The following CSF2RB variants were observed in gnomAD, a reference collection of about 807,000 sequenced individuals.
CSF2RB encodes the protein cytokine receptor common subunit beta.
In CSF2RB, 22 loss-of-function variants were observed where a neutral mutation model predicts 67.2. The ratio of observed to expected loss-of-function variants is 0.33; its 90% CI spans 0.23 to 0.47. The LOEUF (loss-of-function observed/expected upper bound fraction) is 0.47. Among genes scored for constraint, CSF2RB ranks in the 20% least tolerant of loss-of-function variants. CSF2RB has a pLI of 1.00. For missense variants in CSF2RB, 1,113 were observed against 1,174.5 expected (o/e 0.95, Z 0.76); for synonymous variants, 507 against 482.9 (o/e 1.05, Z -0.65).
intron 4 of CSF2RB, among the ~76,000 whole-genome samples, chr22:36,927,602 G>A (rs1941047753): frequency 6.6e-6 from 1 of 152,172 alleles, no homozygotes. Flanking sequence ...ACAGCGGTGG[G>A]AAGAAGCAGG....
At chr22:36,924,700 GT>G (rs1940968349) in intron 3 of CSF2RB, among the ~76,000 whole-genome samples, 1 of 152,166 alleles carries the variant, frequency 6.6e-6, no homozygotes, top group Admixed American at 6.5e-5. Flanking sequence ...GGATCTCATG[GT>G]TGGGCCTCCG....
At chr22:36,920,448 C>G (rs1389487679) in intron 1 of CSF2RB, among the ~76,000 whole-genome samples, 1 of 152,240 alleles carries the variant, frequency 6.6e-6, no homozygotes, top group Non-Finnish European at 1.5e-5. Context: ...GAGAAGACTG[C>G]AAGGAACAGG....
Position 36,936,578 on chromosome 22 carries a change from C to A in CSF2RB, c.1494C>A (p.Gly498=). The change falls in exon 13 of 14, where the codon GGC becomes GGA. Residue 498 remains glycine, a synonymous_variant. Coordinates refer to ENST00000403662, the MANE Select transcript of CSF2RB (RefSeq NM_000395.3). ...GGAGCGCAGAGCTTTGGCCCCCAGGCAGCATGTCGGCCTTCACTAGCGGGA... is the reference window on the plus strand; with the variant it reads ...GGAGCGCAGAGCTTTGGCCCCCAGGAAGCATGTCGGCCTTCACTAGCGGGA... The part of the protein sequence containing the change: ...QNGSAELWPP[G]SMSAFTSGSP... 6.2e-7 allele frequency: 1 copy of A among 1,613,310 alleles called. No individual in the cohort carries two copies.
chr22:36,925,537 C>A (rs569343305), intron 3 of CSF2RB, among the ~76,000 whole-genome samples: 3 of 152,198 alleles, frequency 2.0e-5, no homozygotes, highest in Non-Finnish European at 2.9e-5. Flanking sequence ...CTACTCCCTG[C>A]GCACTGGTTT....
Position 36,929,415 on chromosome 22 carries a change from G to T in CSF2RB, c.405G>T (p.Glu135Asp), listed in dbSNP as rs771979424. ...CCTCCCCTCCAGTCCAGCCTCCTGA[G>T]CCCAGGGACCTGCAGATCAGCACCG... ...VTLTQHVQPP[E>D]PRDLQISTDQ... Residue 135 changes from glutamate (E) to aspartate (D), a missense_variant, in exon 5 of 14, where the codon GAG becomes GAT. Physicochemically the swap from Glu to Asp is conservative, Grantham distance 45. Coordinates refer to ENST00000403662, the MANE Select transcript of CSF2RB (RefSeq NM_000395.3). 7 of 1,614,162 alleles carry T rather than the reference G, an allele frequency of 4.3e-6. No individual in the cohort carries two copies. The highest frequency in any genetic ancestry group is 5.9e-6 in the Non-Finnish European group (7 of 1,180,024).
In CSF2RB at chr22:36,930,462, C is replaced by T. The variant is rs1941123881; in HGVS notation, c.806C>T (p.Ala269Val). The T allele has an allele frequency of 6.2e-7, 1 of 1,613,682 alleles. No homozygotes were observed. The highest frequency in any genetic ancestry group is 8.5e-7 in the Non-Finnish European group (1 of 1,180,022). The change falls in exon 7 of 14, where the codon GCC becomes GTC. Residue 269 changes from alanine to valine, a missense_variant. By Grantham distance (64) the Ala-to-Val change is moderately conservative. Coordinates refer to ENST00000403662, the MANE Select transcript of CSF2RB (RefSeq NM_000395.3). ...TCCTGGGAGGTGAGGAAGGAGGTGG[C>T]CAGCTCGGTCTCCTTTGGCCTATTC... Reference protein sequence around the residue: ...SCSWEVRKEVASSVSFGLFYK... With the variant: ...SCSWEVRKEVVSSVSFGLFYK...
In CSF2RB at chr22:36,930,784, T is replaced by C. The variant is rs1569136278; in HGVS notation, c.966T>C (p.Ser322=). ...DPATHGQYIV[S]VQPRRAEKHI... The stretch of plus-strand genomic sequence containing the variant: ...CGACCCACGGCCAATACATCGTCTC[T>C]GTTCAGCCAAGGAGGGCAGAGAAAC... Residue 322 remains serine (S), a synonymous_variant, in exon 8 of 14, where the codon TCT becomes TCC. Coordinates refer to ENST00000403662, the MANE Select transcript of CSF2RB (RefSeq NM_000395.3). 1 of 1,614,136 alleles carries C rather than the reference T, an allele frequency of 6.2e-7. No homozygotes were observed. The highest frequency in any genetic ancestry group is 1.3e-5 in the African/African-American group (1 of 75,030).
chr22:36,923,439 T>C (rs1940930227), intron 3 of CSF2RB, 72 bp downstream of exon 3: 4 of 1,573,064 alleles, frequency 2.5e-6, no homozygotes, highest in Middle Eastern at 3.3e-4. Context: ...GGGGCGACAG[T>C]GTAGAGAGGG....
rs1187950019 is a variant in CSF2RB at position 36,938,734 on chromosome 22, G to A, written c.*232G>A. ...GTACATGCACACATTTTTCCTGTCA[G>A]GTTAACTTATTTGTAGGTTCTGCAT... On this transcript the variant is annotated 3_prime_UTR_variant, in exon 14 of 14. Coordinates refer to ENST00000403662, the MANE Select transcript of CSF2RB (RefSeq NM_000395.3). The A allele has an allele frequency of 1.8e-6, 1 of 563,136 alleles. No individual in the cohort carries two copies. The highest frequency in any genetic ancestry group is 3.1e-6 in the Non-Finnish European group (1 of 319,798). The allele number at this position is 563,136 out of a possible 1,614,324, so 34.9% of individuals were successfully genotyped here.
chr22:36,933,229 G>T (rs1255359263), intron 9 of CSF2RB, among the ~76,000 whole-genome samples: 4 of 152,230 alleles, frequency 2.6e-5, no homozygotes, highest in Non-Finnish European at 5.9e-5. Flanking sequence ...AAAGTTTGGG[G>T]TTATTTCCTC....
rs769457969 is a variant in CSF2RB, at chr22:36,938,454, C to G, written c.2646C>G (p.Tyr882Ter). ...TCAAAGCCCTGAAGCAGCAGGACTACCTGTCTCTGCCCCCTTGGGAGGTCA... is the reference window on the plus strand; with the variant it reads ...TCAAAGCCCTGAAGCAGCAGGACTAGCTGTCTCTGCCCCCTTGGGAGGTCA... The part of the protein sequence containing the change: ...QLFKALKQQD[Y>*]LSLPPWEVNK... Residue 882 changes from tyrosine (Y) to a stop codon, truncating the protein, a stop_gained, in exon 14 of 14, where the codon TAC becomes TAG. Coordinates refer to ENST00000403662, the MANE Select transcript of CSF2RB (RefSeq NM_000395.3). LOFTEE classifies it high-confidence loss of function. 19 of 1,614,166 alleles carry G rather than the reference C, an allele frequency of 1.2e-5. No individual in the cohort carries two copies. Among genetic ancestry groups the G allele is most frequent in the Non-Finnish European group, 1.5e-5 (18 of 1,180,018 alleles).
rs145182883 is a variant in CSF2RB at position 36,935,630 on chromosome 22, G to C, written c.1407G>C (p.Arg469Ser). The C allele has an allele frequency of 3.2e-5, 51 of 1,614,204 alleles. No homozygotes were observed. The highest frequency in any genetic ancestry group is 4.3e-5 in the Non-Finnish European group (51 of 1,180,030). Residue 469 changes from arginine (R) to serine (S), a missense_variant and splice_region_variant, in exon 12 of 14, where the codon AGG (arginine) becomes AGC (serine). This residue lies in a region of CSF2RB where 559 missense variants were observed against 656.5 expected (regional missense o/e 0.85). Transcript: ENST00000403662. ...ALRFCGIYGY[R>S]LRRKWEEKIP... is the part of the protein sequence containing the mutation. ...CTGTCACCTCCGTGGTGTCTTCCAG[G>C]CTGCGCAGAAAGTGGGAGGAGAAGA... is the stretch of plus-strand genomic sequence containing the variant.
chr22:36,917,430 A>G (rs574615579), intron 1 of CSF2RB, among the ~76,000 whole-genome samples: 3 of 152,028 alleles, frequency 2.0e-5, no homozygotes, highest in Admixed American at 6.5e-5. Context: ...CTGCCATTCA[A>G]TTTCTTCATG....
At chr22:36,931,865 G>A (rs554773660) in intron 8 of CSF2RB, among the ~76,000 whole-genome samples, 1 of 152,266 alleles carries the variant, frequency 6.6e-6, no homozygotes, top group Admixed American at 6.5e-5. Flanking sequence ...CCGCTTTATT[G>A]GGGATTTTCT....
At chr22:36,924,031 T>A (rs938123265) in intron 3 of CSF2RB, among the ~76,000 whole-genome samples, 9 of 152,172 alleles carry the variant, frequency 5.9e-5, no homozygotes, top group Middle Eastern at 6.8e-3. Flanking sequence ...AATTAAGTAA[T>A]TAAATAGCTG....
rs376405266 is a variant in CSF2RB, at chr22:36,929,390, C to T, written c.392-12C>T. On this transcript the variant is annotated splice_polypyrimidine_tract_variant and intron_variant, in intron 4 of 13. Coordinates refer to ENST00000403662, the MANE Select transcript of CSF2RB (RefSeq NM_000395.3). Reference sequence around the variant, plus strand: ...TCCAGCCCTTAGGTGCCCTTCACTTCCTCCCCTCCAGTCCAGCCTCCTGAG... The same window carrying T: ...TCCAGCCCTTAGGTGCCCTTCACTTTCTCCCCTCCAGTCCAGCCTCCTGAG... 1.9e-6 allele frequency: 3 copies of T among 1,614,186 alleles called. No individual in the cohort carries two copies. The highest frequency in any genetic ancestry group is 2.5e-6 in the Non-Finnish European group (3 of 1,180,022).
In CSF2RB at chr22:36,937,522, G is replaced by A. The variant is rs1361193628; in HGVS notation, c.1714G>A (p.Gly572Ser). The change falls in exon 14 of 14, where the codon GGC becomes AGC. Residue 572 changes from glycine to serine, a missense_variant. Physicochemically the swap from Gly to Ser is moderately conservative, Grantham distance 56. Transcript: ENST00000403662. This position sits in a 1 kb window ranked among gnomAD's most constrained non-coding sequence, Gnocchi z 4.6. ...PTEQPPSPQP[G>S]PPAASHTPEK... Reference sequence around the variant, plus strand: ...AGAGCAGCCCCCCAGCCCCCAGCCAGGCCCGCCTGCCGCCTCCCACACACC... The same window carrying A: ...AGAGCAGCCCCCCAGCCCCCAGCCAAGCCCGCCTGCCGCCTCCCACACACC... 1 of 1,613,826 alleles carries A rather than the reference G, an allele frequency of 6.2e-7. No individual in the cohort carries two copies. Among genetic ancestry groups the A allele is most frequent in the Non-Finnish European group, 8.5e-7 (1 of 1,179,896 alleles).
chr22:36,929,508 A>C lies in CSF2RB; in HGVS notation c.498A>C (p.Pro166=). The change falls in exon 5 of 14, where the codon CCA becomes CCC. Residue 166 remains proline, a synonymous_variant. Coordinates refer to ENST00000403662, the MANE Select transcript of CSF2RB (RefSeq NM_000395.3). The stretch of plus-strand genomic sequence containing the variant: ...GTCCCCAGAGCCACTGGTTGTCCCC[A>C]GGGGATCTGGAGTTTGAGGTGGTCT... ...LGSPQSHWLS[P]GDLEFEVVYK... The C allele has an allele frequency of 6.2e-7, 1 of 1,614,156 alleles. No individual in the cohort carries two copies. The highest frequency in any genetic ancestry group is 8.5e-7 in the Non-Finnish European group (1 of 1,180,006).
In CSF2RB at chr22:36,940,288, A is replaced by C. The variant is rs1004030195; in HGVS notation, c.*1786A>C. On this transcript the variant is annotated 3_prime_UTR_variant, in exon 14 of 14. Coordinates refer to ENST00000403662, the MANE Select transcript of CSF2RB (RefSeq NM_000395.3). ...ATGTTCAATGGTCCTGAAATACATAACAACATTTTAGTACATTGTAAAGTA... is the reference window on the plus strand; with the variant it reads ...ATGTTCAATGGTCCTGAAATACATACCAACATTTTAGTACATTGTAAAGTA... 7 of 152,260 alleles carry C rather than the reference A, an allele frequency of 4.6e-5. No homozygotes were observed. Among genetic ancestry groups the C allele is most frequent in the African/African-American group, 1.7e-4 (7 of 41,480 alleles). 9.4% of individuals were successfully genotyped at this position (152,260 alleles called of 1,614,324 possible).
Sources: gnomAD v4.1 joint callset for allele counts (sites outside exome capture counted in the v4.1 genomes callset) on GRCh38, gnomAD v4.1.1 for gene constraint, gnomAD v4.1.1 regional missense constraint, Gnocchi (gnomAD v3.1) non-coding constraint, MANE v1.5 for transcripts, NCBI Gene and HGNC (gene_info 2026-07-23, HGNC 2026-07-21) for gene names.